KLHL2: variants seen among roughly 807,000 people sequenced by gnomAD.
KLHL2 encodes the protein kelch-like protein 2.
A neutral mutation model predicts 75.8 loss-of-function variants in KLHL2; 15 were observed. The observed-to-expected ratio is 0.20, with a 90% CI of 0.13 to 0.30. KLHL2 has a LOEUF of 0.30. Ranked by LOEUF, KLHL2 falls within the 10% of genes least tolerant of loss-of-function variation. The probability of loss-of-function intolerance (pLI) is 1.00; values close to 1 mark genes in which losing one functional copy is unlikely to be tolerated. For missense variants in KLHL2, 381 were observed against 741.0 expected, an observed-to-expected ratio of 0.51 and a Z score of 5.64; for synonymous variants, 214 against 251.9, an observed-to-expected ratio of 0.85 and a Z score of 1.42.
At chr4:165,253,994 G>T (rs1211676714) in intron 4 of KLHL2, among the ~76,000 whole-genome samples, 1 of 152,230 alleles carries the variant, frequency 6.6e-6, no homozygotes, top group Non-Finnish European at 1.5e-5. Context: ...TAGGAGTGAA[G>T]GATGCAAGGG....
rs2126521146 is a variant in KLHL2, at chr4:165,300,429, G to T, written c.921+773G>T. 2.6e-5 allele frequency among the ~76,000 whole-genome samples: 4 copies of T among 152,146 alleles called. No individual in the cohort carries two copies. In the Middle Eastern group the frequency reaches 0.014, roughly 518 times the overall value. ...AGCTTGTTCAGTTCATCTCATTGCT[G>T]TTCCCTGCTGTATACCATTTGATGG... is the stretch of plus-strand genomic sequence containing the variant. On this transcript the variant is annotated intron_variant, in intron 8 of 14. Transcript: ENST00000226725.
At chr4:165,255,856 G>A (rs1741125644) in intron 4 of KLHL2, among the ~76,000 whole-genome samples, 1 of 152,076 alleles carries the variant, frequency 6.6e-6, no homozygotes, top group Admixed American at 6.5e-5. Flanking sequence ...TGTTTTCTTA[G>A]ATATTTAGAA....
chr4:165,207,884 C>T lies in KLHL2; in HGVS notation c.8C>T (p.Thr3Met), dbSNP rs758277740. 4 of 1,443,744 alleles carry T rather than the reference C, an allele frequency of 2.8e-6. No homozygotes were observed. Among genetic ancestry groups the T allele is most frequent in the African/African-American group, 3.0e-5 (2 of 66,942 alleles). 89.4% of individuals were successfully genotyped at this position (1,443,744 alleles called of 1,614,324 possible). ...AGCCCGAGAGGAGCCACAATGGAGACGCCGCCGCTGCCTCCCGCGTGAGTG... is the reference window on the plus strand; with the variant it reads ...AGCCCGAGAGGAGCCACAATGGAGATGCCGCCGCTGCCTCCCGCGTGAGTG... ME[T>M]PPLPPACTKQ... The change falls in exon 1 of 15, where the codon ACG becomes ATG. Residue 3 changes from threonine to methionine, a missense_variant. Thr to Met is a moderately conservative substitution (Grantham distance 81, BLOSUM62 -1). Coordinates refer to ENST00000226725, the MANE Select transcript of KLHL2 (RefSeq NM_007246.4). This position sits in a 1 kb window ranked among gnomAD's most constrained non-coding sequence, Gnocchi z 4.2.
At chr4:165,318,409 T>A (rs1746734065) in intron 14 of KLHL2, among the ~76,000 whole-genome samples, 1 of 152,320 alleles carries the variant, frequency 6.6e-6, no homozygotes, top group South Asian at 2.1e-4. Flanking sequence ...AAAATGTGAT[T>A]TTTTGGTCCA....
At chr4:165,270,230 T>A (rs1010053616) in intron 5 of KLHL2, among the ~76,000 whole-genome samples, 1 of 152,206 alleles carries the variant, frequency 6.6e-6, no homozygotes, top group Non-Finnish European at 1.5e-5. Context: ...CTAACCTTTT[T>A]TCAAGGTTTT....
chr4:165,245,345 G>A (rs1176086576), intron 4 of KLHL2, among the ~76,000 whole-genome samples: 1 of 152,192 alleles, frequency 6.6e-6, no homozygotes, highest in Non-Finnish European at 1.5e-5. Flanking sequence ...GGTAGTGGTG[G>A]TAGCATATAC....
rs192980219 is a variant in KLHL2, at chr4:165,223,669, C to T, written c.152+3610C>T. 2.6e-3 allele frequency among the ~76,000 whole-genome samples: 392 copies of T among 152,156 alleles called. 2 individuals are homozygous for T. The highest frequency in any genetic ancestry group is 8.9e-3 in the African/African-American group (368 of 41,516). ...GGATTCAGTGAAGGCTTTTGAGAAA[C>T]GGAGCATCATGCTAAGATTAATGAT... is the stretch of plus-strand genomic sequence containing the variant. On this transcript the variant is annotated intron_variant, in intron 2 of 14. Coordinates refer to ENST00000226725, the MANE Select transcript of KLHL2 (RefSeq NM_007246.4).
At chr4:165,220,569 A>T (rs538685426) in intron 2 of KLHL2, among the ~76,000 whole-genome samples, 1 of 152,174 alleles carries the variant, frequency 6.6e-6, no homozygotes, top group South Asian at 2.1e-4. Flanking sequence ...TCTTTCTGTT[A>T]AAGTTAAAAA....
intron 1 of KLHL2, among the ~76,000 whole-genome samples, chr4:165,214,491 A>G (rs989623630): frequency 5.9e-5 from 9 of 152,178 alleles, no homozygotes; most frequent in Non-Finnish European, 8.8e-5. Flanking sequence ...TGGGAGGGAA[A>G]GAGGGAGAGA....
At chr4:165,306,966 C>T (rs1745775050) in intron 9 of KLHL2, among the ~76,000 whole-genome samples, 1 of 152,180 alleles carries the variant, frequency 6.6e-6, no homozygotes, top group Admixed American at 6.5e-5. Context: ...CCAAAGTTAT[C>T]TATATGTGCG....
chr4:165,214,638 A>G (rs1035990161), intron 1 of KLHL2, among the ~76,000 whole-genome samples: 1 of 152,142 alleles, frequency 6.6e-6, no homozygotes, highest in Non-Finnish European at 1.5e-5. Context: ...CACTTAACAT[A>G]CAGCCGCACA....
chr4:165,232,671 C>T (rs1738994880), intron 3 of KLHL2, among the ~76,000 whole-genome samples: 1 of 151,930 alleles, frequency 6.6e-6, no homozygotes, highest in Admixed American at 6.6e-5. Flanking sequence ...GCCTAGGAAG[C>T]AGAGGTTGCA....
At chr4:165,306,728 T>C (rs1418640171) in intron 9 of KLHL2, among the ~76,000 whole-genome samples, 2 of 152,214 alleles carry the variant, frequency 1.3e-5, no homozygotes, top group East Asian at 3.8e-4. Flanking sequence ...CAGTTCATGA[T>C]TTTTGCCATT....
At chr4:165,228,283 G>A (rs2111033611) in intron 2 of KLHL2, among the ~76,000 whole-genome samples, 1 of 152,224 alleles carries the variant, frequency 6.6e-6, no homozygotes, top group Non-Finnish European at 1.5e-5. Flanking sequence ...TTGTGATTAA[G>A]TTAAGCTTCA....
chr4:165,274,188 A>G (rs961776049), intron 5 of KLHL2, among the ~76,000 whole-genome samples: 2 of 152,212 alleles, frequency 1.3e-5, no homozygotes, highest in African/African-American at 2.4e-5. Context: ...GACTCAATAC[A>G]TACATACATA....
intron 7 of KLHL2, among the ~76,000 whole-genome samples, chr4:165,298,943 C>CCG (rs1260784032): frequency 1.5e-5 from 2 of 133,232 alleles, no homozygotes; most frequent in Non-Finnish European, 1.6e-5. Flanking sequence ...CCCCCCGCCC[C>CCG]CCCTCCCCCC....
intron 5 of KLHL2, among the ~76,000 whole-genome samples, chr4:165,273,890 T>C (rs1429057463): frequency 1.3e-5 from 2 of 152,212 alleles, no homozygotes; most frequent in African/African-American, 2.4e-5. Context: ...AAGATGTCTA[T>C]AGCTCCTTTT....
At chr4:165,275,665 C>T (rs910466300) in intron 5 of KLHL2, among the ~76,000 whole-genome samples, 2 of 152,184 alleles carry the variant, frequency 1.3e-5, no homozygotes, top group African/African-American at 4.8e-5. Flanking sequence ...TGTGCTCGAA[C>T]TCCTGGCCTT....
At chr4:165,299,149 T>G (rs1267776991) in intron 7 of KLHL2, among the ~76,000 whole-genome samples, 3 of 152,218 alleles carry the variant, frequency 2.0e-5, no homozygotes, top group African/African-American at 7.2e-5. Context: ...GGATGTATTA[T>G]CTAAACTTTG....
Sources: allele counts gnomAD v4.1 joint callset (sites outside exome capture counted in the v4.1 genomes callset), GRCh38; gene constraint gnomAD v4.1.1; non-coding constraint Gnocchi (gnomAD v3.1); transcripts MANE v1.5; gene names NCBI Gene and HGNC (gene_info 2026-07-23, HGNC 2026-07-21).